Variants in MCU observed in about 807,000 individuals in gnomAD.
The protein encoded by MCU is calcium uniporter protein, mitochondrial.
Under a neutral mutation model 45.2 loss-of-function variants are expected in MCU, and 12 were observed. The ratio of observed to expected loss-of-function variants is 0.27; its 90% CI spans 0.17 to 0.43. MCU has a LOEUF of 0.43. MCU is among the 20% of genes least tolerant of loss of function. The pLI is 1.00. For missense variants in MCU, 324 were observed against 436.7 expected (o/e 0.74, Z 2.30); for synonymous variants, 160 against 165.1 (o/e 0.97, Z 0.24).
chr10:72,805,101 C>CTTTCTTTCTCTTTCTTTCTTTCTT (rs1554824914), intron 1 of MCU, among the ~76,000 whole-genome samples: 1 of 103,398 alleles, frequency 9.7e-6, no homozygotes, highest in African/African-American at 4.3e-5. Flanking sequence ...TTCTTTCTTT[C>CTTTCTTTCTCTTTCTTTCTTTCTT]TCTTTCTTTC....
chr10:72,726,256 C>CGTGTGTGTGT lies in MCU; in HGVS notation c.150+33976_150+33985dup, dbSNP rs60826955. On this transcript the variant is annotated intron_variant, in intron 1 of 7. Coordinates refer to ENST00000373053, the MANE Select transcript of MCU (RefSeq NM_138357.3). ...CACATACTTCAGGCACACACACACA[C>CGTGTGTGTGT]GTGTGTGTGTGTGTGTGTGTGTGTG... 7.1e-3 allele frequency among the ~76,000 whole-genome samples: 1,032 copies of CGTGTGTGTGT among 145,618 alleles called. 6 individuals carry two copies. Among genetic ancestry groups the CGTGTGTGTGT allele is most frequent in the African/African-American group, 0.023 (899 of 39,732 alleles).
intron 1 of MCU, among the ~76,000 whole-genome samples, chr10:72,832,367 A>G (rs1433046881): frequency 6.6e-6 from 1 of 152,218 alleles, no homozygotes; most frequent in African/African-American, 2.4e-5. Flanking sequence ...TCAGATTACT[A>G]AGAAAATGAA....
chr10:72,772,268 G>T (rs1485681161), intron 1 of MCU, among the ~76,000 whole-genome samples: 3 of 152,256 alleles, frequency 2.0e-5, no homozygotes, highest in Non-Finnish European at 2.9e-5. Context: ...CTCCTAGCCA[G>T]CCTTGACACA....
chr10:72,856,908 C>T (rs1420684653), intron 2 of MCU, among the ~76,000 whole-genome samples: 1 of 140,202 alleles, frequency 7.1e-6, no homozygotes, highest in African/African-American at 2.7e-5. Flanking sequence ...CATGCCGCTG[C>T]ACTCCTGGGT....
chr10:72,882,588 G>T (rs1339753148), intron 6 of MCU, among the ~76,000 whole-genome samples: 2 of 152,120 alleles, frequency 1.3e-5, no homozygotes, highest in Non-Finnish European at 2.9e-5. Flanking sequence ...ATTAGGAAGA[G>T]GAAATTCCCA....
At chr10:72,776,145 G>A (rs1451419282) in intron 1 of MCU, among the ~76,000 whole-genome samples, 1 of 151,820 alleles carries the variant, frequency 6.6e-6, no homozygotes, top group African/African-American at 2.4e-5. Context: ...TACAACCTGG[G>A]CAACATGAGT....
At chr10:72,805,103 CTT>C (rs1292269965) in intron 1 of MCU, among the ~76,000 whole-genome samples, 66 of 88,696 alleles carry the variant, frequency 7.4e-4, no homozygotes, top group African/African-American at 3.2e-3. Flanking sequence ...CTTTCTTTCT[CTT>C]TCTTTCTTTC....
At chr10:72,805,341 T>TG (rs903780225) in intron 1 of MCU, among the ~76,000 whole-genome samples, 4 of 151,284 alleles carry the variant, frequency 2.6e-5, no homozygotes, top group Admixed American at 2.6e-4. Flanking sequence ...CTCTGCCTCC[T>TG]GGGTTCAAGT....
intron 1 of MCU, among the ~76,000 whole-genome samples, chr10:72,743,017 TGAGAGAGAGGGTGAGGGG>T (rs573820425): frequency 0.011 from 1,700 of 151,356 alleles, 14 homozygotes; most frequent in Admixed American, 0.018. Flanking sequence ...TGAGAGAGTA[TGAGAGAGAGGGTGAGGGG>T]GAGAGAGAGA....
In MCU at chr10:72,868,566, A is replaced by G. The variant is rs566514562; in HGVS notation, c.497-137A>G. The G allele has an allele frequency of 6.3e-5, 45 of 716,888 alleles. 1 individual carries two copies. Among genetic ancestry groups the G allele is most frequent in the Middle Eastern group, 4.2e-4 (1 of 2,372 alleles). 44.4% of individuals were successfully genotyped at this position (716,888 alleles called of 1,614,324 possible). On this transcript the variant is annotated intron_variant, in intron 4 of 7. Transcript: ENST00000373053. ...GACTTTGTCTCAAAAAAAAAAAAAA[A>G]AGAGAGCTATTACTTTCCTTCAGTT...
At chr10:72,760,878 A>G (rs1843647335) in intron 1 of MCU, among the ~76,000 whole-genome samples, 1 of 151,960 alleles carries the variant, frequency 6.6e-6, no homozygotes. Context: ...CCTATTCAAT[A>G]GACAAGGCAA....
At chr10:72,793,887 TG>T (rs1484200565) in intron 1 of MCU, among the ~76,000 whole-genome samples, 1 of 152,170 alleles carries the variant, frequency 6.6e-6, no homozygotes, top group African/African-American at 2.4e-5. Context: ...CACTTCTTGA[TG>T]GGAGGAATAA....
chr10:72,871,357 T>A lies in MCU; in HGVS notation c.658-20T>A. 1 of 1,612,106 alleles carries A rather than the reference T, an allele frequency of 6.2e-7. No individual in the cohort carries two copies. Among genetic ancestry groups the A allele is most frequent in the Non-Finnish European group, 8.5e-7 (1 of 1,178,162 alleles). On this transcript the variant is annotated intron_variant, in intron 5 of 7. Transcript: ENST00000373053. ...ATTGGTTTTATGTCAAAATGCCTTA[T>A]GATTATGTGTGCCCAATAGGTACGA... is the stretch of plus-strand genomic sequence containing the variant.
intron 6 of MCU, among the ~76,000 whole-genome samples, chr10:72,877,304 T>C (rs1170766195): frequency 6.6e-6 from 1 of 152,144 alleles, no homozygotes; most frequent in African/African-American, 2.4e-5. Flanking sequence ...ACAGAAAGAT[T>C]TGAATAAACT....
chr10:72,752,273 A>C (rs1308234012), intron 1 of MCU, among the ~76,000 whole-genome samples: 4 of 141,580 alleles, frequency 2.8e-5, no homozygotes, highest in African/African-American at 1.0e-4. Context: ...TTTTTTTTTT[A>C]ATACTAGAGA....
At chr10:72,792,596 G>A (rs1387419637) in intron 1 of MCU, among the ~76,000 whole-genome samples, 1 of 152,074 alleles carries the variant, frequency 6.6e-6, no homozygotes, top group African/African-American at 2.4e-5. Context: ...GAAAAACTCA[G>A]GGACATCTCA....
chr10:72,791,873 A>G (rs190916105), intron 1 of MCU, among the ~76,000 whole-genome samples: 1 of 151,284 alleles, frequency 6.6e-6, no homozygotes, highest in Non-Finnish European at 1.5e-5. Flanking sequence ...TTTTTAAGTG[A>G]TTCTATCCAG....
intron 1 of MCU, among the ~76,000 whole-genome samples, chr10:72,720,260 A>C (rs1399084832): frequency 6.6e-6 from 1 of 152,236 alleles, no homozygotes; most frequent in Non-Finnish European, 1.5e-5. Flanking sequence ...TCTGTGCACC[A>C]GTCCTATAAA....
At chr10:72,701,426 G>A (rs1842757519) in intron 1 of MCU, among the ~76,000 whole-genome samples, 1 of 152,218 alleles carries the variant, frequency 6.6e-6, no homozygotes, top group Non-Finnish European at 1.5e-5. Context: ...GGGTGTCAGT[G>A]TGGGTCATCC....
Sources: gnomAD v4.1 joint callset for allele counts (sites outside exome capture counted in the v4.1 genomes callset) on GRCh38, gnomAD v4.1.1 for gene constraint, MANE v1.5 for transcripts, NCBI Gene and HGNC (gene_info 2026-07-23, HGNC 2026-07-21) for gene names.